Variants in MGA observed in about 807,000 individuals in gnomAD.
MGA encodes the protein MAX gene-associated protein.
MGA carries 40 observed loss-of-function variants against 261.1 expected under a neutral mutation model. That is an observed-to-expected ratio of 0.15 (90% CI 0.12 to 0.20). The LOEUF (loss-of-function observed/expected upper bound fraction) is 0.20. MGA is among the 10% of genes least tolerant of loss of function. The pLI is 1.00. For missense variants in MGA, 3,397 were observed against 3,630.5 expected (o/e 0.94, Z 1.65); for synonymous variants, 1,302 against 1,290.6 (o/e 1.01, Z -0.19).
chr15:41,628,798 T>G (rs1266871485), intron 1 of MGA, among the ~76,000 whole-genome samples: 1 of 152,090 alleles, frequency 6.6e-6, no homozygotes, highest in East Asian at 1.9e-4. Flanking sequence ...TGCAGAAAAA[T>G]GATACCTAAT....
chr15:41,728,997 C>T (rs2061380262), intron 10 of MGA, among the ~76,000 whole-genome samples, 167 bp from the exon 11 acceptor site: 1 of 152,060 alleles, frequency 6.6e-6, no homozygotes, highest in South Asian at 2.1e-4. Flanking sequence ...TTCTGACTGC[C>T]CTAAGGTTCG....
At chr15:41,672,978 C>G (rs375206727) in intron 2 of MGA, among the ~76,000 whole-genome samples, 2 of 152,102 alleles carry the variant, frequency 1.3e-5, no homozygotes, top group African/African-American at 2.4e-5. Context: ...ACACACTGAT[C>G]TTTATTCAGG....
At chr15:41,670,135 AT>A in intron 2 of MGA, among the ~76,000 whole-genome samples, 177 bp downstream of exon 2, 1 of 152,286 alleles carries the variant, frequency 6.6e-6, no homozygotes, top group South Asian at 2.1e-4. Context: ...TGTAATGAGA[AT>A]CAGTTGGGTT....
intron 1 of MGA, among the ~76,000 whole-genome samples, chr15:41,652,397 A>C (rs1595574800): frequency 7.6e-6 from 1 of 132,004 alleles, no homozygotes; most frequent in Non-Finnish European, 1.6e-5. Context: ...CCCGCCTTTC[A>C]CTCTGATGCC....
At chr15:41,651,860 C>T (rs2057067168) in intron 1 of MGA, among the ~76,000 whole-genome samples, 1 of 84,560 alleles carries the variant, frequency 1.2e-5, no homozygotes, top group African/African-American at 4.8e-5. Flanking sequence ...CTTTTCCCCT[C>T]TTCTCTCCCC....
chr15:41,737,187 A>C (rs2151802029), intron 13 of MGA, among the ~76,000 whole-genome samples: 1 of 152,220 alleles, frequency 6.6e-6, no homozygotes, highest in East Asian at 1.9e-4. Context: ...TATTTATTGC[A>C]ATCTTGGCTC....
intron 17 of MGA, among the ~76,000 whole-genome samples, chr15:41,753,336 G>A (rs979825363): frequency 6.6e-6 from 1 of 151,676 alleles, no homozygotes; most frequent in Non-Finnish European, 1.5e-5. Context: ...TTTGAATCCC[G>A]GGAGGTGGGC....
chr15:41,682,720 A>G (rs1447910829), intron 2 of MGA, among the ~76,000 whole-genome samples: 1 of 151,948 alleles, frequency 6.6e-6, no homozygotes, highest in Non-Finnish European at 1.5e-5. Context: ...ACCTCAAGTG[A>G]TCCTCCTGCC....
At chr15:41,709,657 A>C (rs1322188371) in intron 7 of MGA, among the ~76,000 whole-genome samples, 1 of 151,780 alleles carries the variant, frequency 6.6e-6, no homozygotes, top group Non-Finnish European at 1.5e-5. Flanking sequence ...CCTGGTCTTG[A>C]ACTCCTGAGC....
At position 41,748,545 on chromosome 15, in the gene MGA, G is replaced by A. The variant is rs889436954; in HGVS notation, c.5213-92G>A. The A allele has an allele frequency of 4.3e-6, 6 of 1,402,630 alleles. No individual in the cohort carries two copies. In the African/African-American group the frequency reaches 7.2e-5, roughly 17 times the overall value. 86.9% of individuals were successfully genotyped at this position (1,402,630 alleles called of 1,614,324 possible). ...CACTCCAGCCTGAGCAACAAAGCAAGACTGTGTCTTAAAAAATATTATGAA... is the reference window on the plus strand; with the variant it reads ...CACTCCAGCCTGAGCAACAAAGCAAAACTGTGTCTTAAAAAATATTATGAA... On this transcript the variant is annotated intron_variant, in intron 15 of 23. Coordinates refer to ENST00000219905, the MANE Select transcript of MGA (RefSeq NM_001164273.2).
intron 5 of MGA, 53 bp downstream of exon 5, chr15:41,699,212 A>T: frequency 8.5e-7 from 1 of 1,173,342 alleles, no homozygotes. Flanking sequence ...TTTCTTCCCT[A>T]CTGTTTCTCC....
At chr15:41,759,804 G>A (rs1283367006) in intron 19 of MGA, among the ~76,000 whole-genome samples, 5 of 152,042 alleles carry the variant, frequency 3.3e-5, no homozygotes, top group African/African-American at 7.3e-5. Flanking sequence ...AGTAATCTAG[G>A]TACAGGTAAA....
At chr15:41,723,855 G>T (rs1054361558) in intron 9 of MGA, among the ~76,000 whole-genome samples, 1 of 152,002 alleles carries the variant, frequency 6.6e-6, no homozygotes, top group Non-Finnish European at 1.5e-5. Context: ...TCCCATTCTG[G>T]TGACAGATTA....
At chr15:41,725,834 C>CAAAAAAAAAAAA in intron 9 of MGA, among the ~76,000 whole-genome samples, 1 of 9,032 alleles carries the variant, frequency 1.1e-4, no homozygotes, top group African/African-American at 3.2e-4. Context: ...GACTCCGTCT[C>CAAAAAAAAAAAA]AAAAAAAAAA....
chr15:41,762,458 GTGGTTT>G, intron 22 of MGA, 96 bp downstream of exon 22: 2 of 214,124 alleles, frequency 9.3e-6, no homozygotes, highest in African/African-American at 8.6e-5. Flanking sequence ...TTAGTTTTGT[GTGGTTT>G]TTTTTTTTTT....
chr15:41,622,225 A>C (rs1162254258), intron 1 of MGA, among the ~76,000 whole-genome samples: 1 of 152,202 alleles, frequency 6.6e-6, no homozygotes, highest in Non-Finnish European at 1.5e-5. Context: ...CCTGGGGTCC[A>C]GGCCTTTGGC....
At chr15:41,688,126 A>G (rs964425102) in intron 2 of MGA, among the ~76,000 whole-genome samples, 2 of 152,202 alleles carry the variant, frequency 1.3e-5, no homozygotes, top group Non-Finnish European at 2.9e-5. Context: ...CTGAGGCTGG[A>G]GTGCAGTGGT....
At chr15:41,714,241 A>G (rs2060517713) in intron 9 of MGA, among the ~76,000 whole-genome samples, 1 of 152,232 alleles carries the variant, frequency 6.6e-6, no homozygotes, top group Non-Finnish European at 1.5e-5. Context: ...TGTATGTTCC[A>G]TCATAACGTC....
intron 12 of MGA, among the ~76,000 whole-genome samples, chr15:41,735,170 G>A (rs1236458110): frequency 6.6e-6 from 1 of 152,198 alleles, no homozygotes; most frequent in Admixed American, 6.5e-5. Context: ...GTAAGTGGAG[G>A]AGGCTACTAG....
Sources: gnomAD v4.1 joint callset for allele counts (sites outside exome capture counted in the v4.1 genomes callset) on GRCh38, gnomAD v4.1.1 for gene constraint, MANE v1.5 for transcripts, NCBI Gene and HGNC (gene_info 2026-07-23, HGNC 2026-07-21) for gene names.